CSMD1: variants seen among roughly 807,000 people sequenced by gnomAD.
The protein encoded by CSMD1 is CUB and Sushi multiple domains 1, also known as CUB and sushi domain-containing protein 1.
A neutral mutation model predicts 417.5 loss-of-function variants in CSMD1; 213 were observed. The ratio of observed to expected loss-of-function variants is 0.51; its 90% CI spans 0.46 to 0.57. The LOEUF (loss-of-function observed/expected upper bound fraction) is 0.57. Among genes scored for constraint, CSMD1 ranks in the 20% least tolerant of loss-of-function variants. The pLI is 0.00. For synonymous variants in CSMD1, 2,862 were observed against 1,736.8 expected, an observed-to-expected ratio of 1.65 and a Z score of -16.11; for missense variants, 6,923 against 4,529.7, an observed-to-expected ratio of 1.53 and a Z score of -15.17.
At chr8:4,633,500 C>T (rs532172020) in intron 2 of CSMD1, among the ~76,000 whole-genome samples, 5 of 151,942 alleles carry the variant, frequency 3.3e-5, no homozygotes, top group Admixed American at 6.6e-5. Context: ...CCAACTGCCT[C>T]GGCCTCCCAA....
intron 3 of CSMD1, among the ~76,000 whole-genome samples, chr8:4,202,005 C>A (rs186530504): frequency 4.3e-4 from 66 of 152,120 alleles, no homozygotes; most frequent in African/African-American, 1.5e-3. Flanking sequence ...TGATTATACT[C>A]TGGATGAGAA....
intron 59 of CSMD1, among the ~76,000 whole-genome samples, chr8:2,964,159 G>C (rs1342338775): frequency 6.6e-6 from 1 of 152,204 alleles, no homozygotes; most frequent in African/African-American, 2.4e-5. Context: ...GTTTCCAAGT[G>C]ACCCTGTAGG....
At chr8:3,755,915 C>T (rs1484206519) in intron 5 of CSMD1, among the ~76,000 whole-genome samples, 61 of 152,048 alleles carry the variant, frequency 4.0e-4, no homozygotes, top group Admixed American at 4.0e-3. Context: ...TATTTAATCA[C>T]CTTTTTTTAT....
chr8:4,025,022 T>C (rs995626242), intron 4 of CSMD1, among the ~76,000 whole-genome samples: 1 of 152,184 alleles, frequency 6.6e-6, no homozygotes, highest in Non-Finnish European at 1.5e-5. Flanking sequence ...GGTGATTACA[T>C]AGGTAGAATT....
At chr8:3,910,159 C>T (rs1043737112) in intron 5 of CSMD1, among the ~76,000 whole-genome samples, 2 of 152,088 alleles carry the variant, frequency 1.3e-5, no homozygotes, top group African/African-American at 4.8e-5. Context: ...TTATGTCGGA[C>T]ACATGTTACA....
intron 5 of CSMD1, among the ~76,000 whole-genome samples, chr8:3,939,892 G>C (rs539594478): frequency 6.6e-6 from 1 of 152,122 alleles, no homozygotes; most frequent in Admixed American, 6.6e-5. Flanking sequence ...GGGAATGAAA[G>C]ACTACATATT....
intron 3 of CSMD1, among the ~76,000 whole-genome samples, chr8:4,231,389 G>C (rs549300118): frequency 1.3e-5 from 2 of 152,160 alleles, no homozygotes; most frequent in Non-Finnish European, 2.9e-5. Flanking sequence ...GAGAATAGGA[G>C]CATATTTGTC....
chr8:4,367,687 C>T (rs1378458741), intron 3 of CSMD1, among the ~76,000 whole-genome samples: 1 of 152,122 alleles, frequency 6.6e-6, no homozygotes, highest in Non-Finnish European at 1.5e-5. Context: ...GTCTTCCTGA[C>T]CATGAGCACT....
chr8:3,908,977 T>C (rs556907902), intron 5 of CSMD1, among the ~76,000 whole-genome samples: 1 of 152,234 alleles, frequency 6.6e-6, no homozygotes, highest in South Asian at 2.1e-4. Context: ...CACTACTACT[T>C]CACTACTACA....
chr8:3,705,072 T>G (rs577301691), intron 7 of CSMD1, among the ~76,000 whole-genome samples: 2 of 152,256 alleles, frequency 1.3e-5, no homozygotes, highest in East Asian at 1.9e-4. Context: ...CAGATGTCAT[T>G]TGGAGAAGAA....
intron 3 of CSMD1, among the ~76,000 whole-genome samples, chr8:4,362,872 G>A (rs1323595827): frequency 6.6e-6 from 1 of 152,094 alleles, no homozygotes; most frequent in Non-Finnish European, 1.5e-5. Flanking sequence ...TAAATTCATG[G>A]CTCATCTGAG....
intron 5 of CSMD1, among the ~76,000 whole-genome samples, chr8:3,779,597 C>A (rs73658257): frequency 2.0e-5 from 3 of 152,042 alleles, no homozygotes; most frequent in Non-Finnish European, 4.4e-5. Context: ...TGCTGAATAA[C>A]CGGGTATTTT....
chr8:3,302,284 C>T (rs1364949559), intron 25 of CSMD1, among the ~76,000 whole-genome samples: 2 of 152,132 alleles, frequency 1.3e-5, no homozygotes, highest in Admixed American at 6.6e-5. Context: ...CTAGAAGTTT[C>T]TTTAATGTTT....
At chr8:4,863,029 G>A (rs1386497624) in intron 1 of CSMD1, among the ~76,000 whole-genome samples, 1 of 152,040 alleles carries the variant, frequency 6.6e-6, no homozygotes, top group Non-Finnish European at 1.5e-5. Flanking sequence ...CTCTGACAGC[G>A]ACCCTTGGGC....
intron 7 of CSMD1, among the ~76,000 whole-genome samples, chr8:3,630,035 T>A (rs1796701168): frequency 1.4e-5 from 2 of 146,488 alleles, no homozygotes; most frequent in South Asian, 4.5e-4. Context: ...AGAAAACATT[T>A]CAAATGATTA....
intron 2 of CSMD1, among the ~76,000 whole-genome samples, chr8:4,588,603 G>A (rs1258775767): frequency 6.6e-6 from 1 of 151,684 alleles, no homozygotes; most frequent in African/African-American, 2.4e-5. Flanking sequence ...TGGTTAACAC[G>A]GTGAAACCCC....
At chr8:4,454,349 C>G (rs1799342650) in intron 2 of CSMD1, among the ~76,000 whole-genome samples, 1 of 152,170 alleles carries the variant, frequency 6.6e-6, no homozygotes, top group African/African-American at 2.4e-5. Flanking sequence ...CTTCATCTTA[C>G]TTTTCTTCTC....
At chr8:4,064,897 T>C (rs947713838) in intron 3 of CSMD1, among the ~76,000 whole-genome samples, 1 of 151,416 alleles carries the variant, frequency 6.6e-6, no homozygotes, top group Non-Finnish European at 1.5e-5. Flanking sequence ...CCTCACAAAG[T>C]GGTCAATTCC....
chr8:3,189,068 G>C, intron 34 of CSMD1, 57 bp from the exon 35 acceptor site: 11 of 1,508,334 alleles, frequency 7.3e-6, no homozygotes, highest in Admixed American at 3.8e-5. Context: ...TGTTGATTTG[G>C]CATGCAGTTT....
Sources: gnomAD v4.1 joint callset for allele counts (sites outside exome capture counted in the v4.1 genomes callset) on GRCh38, gnomAD v4.1.1 for gene constraint, MANE v1.5 for transcripts, NCBI Gene and HGNC (gene_info 2026-07-23, HGNC 2026-07-21) for gene names.